Variants in CFAP90 observed in about 807,000 individuals in gnomAD.
CFAP90 encodes cilia and flagella associated protein 90, also known as cilia- and flagella-associated protein 90.
chr5:7,832,887 C>T, the CFAP90 span, among the ~76,000 whole-genome samples: 1 of 152,184 alleles, frequency 6.6e-6, no homozygotes, highest in Non-Finnish European at 1.5e-5. Flanking sequence ...CTGAGGAAGA[C>T]AATAACTTTG....
chr5:7,836,127 G>A, the CFAP90 span, among the ~76,000 whole-genome samples: 12 of 152,110 alleles, frequency 7.9e-5, no homozygotes, highest in East Asian at 1.9e-4. Context: ...CAAAGGCCCC[G>A]CCTCCCAATA....
At chr5:7,832,292 G>C in the CFAP90 span, among the ~76,000 whole-genome samples, 1 of 152,214 alleles carries the variant, frequency 6.6e-6, no homozygotes, top group East Asian at 1.9e-4. Flanking sequence ...CTACCCGTTT[G>C]TCCCTGTGCT....
the CFAP90 span, among the ~76,000 whole-genome samples, chr5:7,845,114 C>G: frequency 0.79 from 119,360 of 151,644 alleles, 47,667 homozygotes; most frequent in African/African-American, 0.9. Context: ...GCAGGAGAGA[C>G]AGAGAGAGAG....
At chr5:7,835,878 A>G in the CFAP90 span, among the ~76,000 whole-genome samples, 2 of 152,192 alleles carry the variant, frequency 1.3e-5, no homozygotes, top group Admixed American at 6.5e-5. Context: ...AAAATACCAT[A>G]TAGACTGGGT....
At chr5:7,833,048 T>G in the CFAP90 span, among the ~76,000 whole-genome samples, 39 of 152,234 alleles carry the variant, frequency 2.6e-4, no homozygotes, top group South Asian at 6.2e-4. Flanking sequence ...AGCAGAGACT[T>G]GTTTTATCCG....
chr5:7,846,161 G>A, the CFAP90 span, among the ~76,000 whole-genome samples: 155 of 152,254 alleles, frequency 1.0e-3, no homozygotes, highest in Non-Finnish European at 1.7e-3. Flanking sequence ...TTGCCTCAAA[G>A]GTGGGTAGAG....
the CFAP90 span, chr5:7,831,821 G>A: frequency 7.4e-5 from 117 of 1,590,934 alleles, no homozygotes; most frequent in East Asian, 2.3e-5. Context: ...ACAGGGTATC[G>A]GACATGCCCT....
At chr5:7,838,154 A>G in the CFAP90 span, among the ~76,000 whole-genome samples, 1 of 152,286 alleles carries the variant, frequency 6.6e-6, no homozygotes, top group African/African-American at 2.4e-5. Context: ...AGTTTTTTGG[A>G]CCTTCACATC....
chr5:7,849,730 G>T, the CFAP90 span, among the ~76,000 whole-genome samples: 320 of 152,274 alleles, frequency 2.1e-3, no homozygotes, highest in African/African-American at 7.2e-3. Flanking sequence ...GGCCGGTGTG[G>T]CCAGGACAGA....
the CFAP90 span, among the ~76,000 whole-genome samples, chr5:7,847,726 C>T: frequency 6.6e-6 from 1 of 152,232 alleles, no homozygotes; most frequent in African/African-American, 2.4e-5. Context: ...TCACTTCACA[C>T]TTCAGGCATC....
At chr5:7,833,172 A>G in the CFAP90 span, among the ~76,000 whole-genome samples, 1 of 152,202 alleles carries the variant, frequency 6.6e-6, no homozygotes, top group African/African-American at 2.4e-5. Flanking sequence ...ACTATATATA[A>G]TAGTACCTTA....
the CFAP90 span, among the ~76,000 whole-genome samples, chr5:7,835,767 T>C: frequency 6.6e-6 from 1 of 152,236 alleles, no homozygotes; most frequent in Non-Finnish European, 1.5e-5. Context: ...CCTCCCTTGT[T>C]GACAGAGGTG....
the CFAP90 span, chr5:7,851,119 G>T: frequency 8.3e-7 from 1 of 1,211,384 alleles, no homozygotes; most frequent in Non-Finnish European, 1.0e-6. Context: ...CAGCGCCAGC[G>T]TCTAGCCCGC....
At chr5:7,831,553 G>A in the CFAP90 span, 7 of 265,112 alleles carry the variant, frequency 2.6e-5, no homozygotes, top group Admixed American at 4.9e-5. Context: ...TTTTATTCAG[G>A]TGCTCACAAT....
chr5:7,833,422 C>T, the CFAP90 span, among the ~76,000 whole-genome samples: 2 of 151,910 alleles, frequency 1.3e-5, no homozygotes, highest in Non-Finnish European at 2.9e-5. Context: ...ATGCATGCAT[C>T]TATACACATA....
chr5:7,850,160 C>T, the CFAP90 span, among the ~76,000 whole-genome samples: 1 of 152,258 alleles, frequency 6.6e-6, no homozygotes, highest in East Asian at 1.9e-4. Context: ...ATCCTCGTCC[C>T]AGGGGTTCAG....
At chr5:7,842,827 G>A in the CFAP90 span, among the ~76,000 whole-genome samples, 40,387 of 152,098 alleles carry the variant, frequency 0.27, 5,592 homozygotes, top group Middle Eastern at 0.33. Context: ...GATGATTTCT[G>A]TGGTGTAAAT....
chr5:7,831,992 A>C, the CFAP90 span: 7 of 1,612,842 alleles, frequency 4.3e-6, no homozygotes, highest in Non-Finnish European at 5.9e-6. Context: ...CTTCCCATAG[A>C]CAGAAGACGT....
chr5:7,844,574 A>G, the CFAP90 span, among the ~76,000 whole-genome samples: 1 of 152,356 alleles, frequency 6.6e-6, no homozygotes, highest in Non-Finnish European at 1.5e-5. Flanking sequence ...GAAAATACTT[A>G]GCAGGTTAGA....
Sources: allele counts gnomAD v4.1 joint callset (sites outside exome capture counted in the v4.1 genomes callset), GRCh38; gene constraint gnomAD v4.1.1; transcripts MANE v1.5; gene names NCBI Gene and HGNC (gene_info 2026-07-23, HGNC 2026-07-21).